The following SHKBP1 variants were observed in gnomAD, a reference collection of about 807,000 sequenced individuals.
The protein encoded by SHKBP1 is SH3KBP1 binding protein 1.
A neutral mutation model predicts 83.9 loss-of-function variants in SHKBP1; 71 were observed. The ratio of observed to expected loss-of-function variants is 0.85; its 90% confidence interval spans 0.70 to 1.03. The LOEUF is 1.03. Among genes scored for constraint, SHKBP1 ranks in the 50% least tolerant of loss-of-function variants. The pLI, the probability that SHKBP1 is intolerant of heterozygous loss-of-function variation, is 0.00. For synonymous variants in SHKBP1, 371 were observed against 398.0 expected (o/e 0.93, Z 0.81); for missense variants, 824 against 982.4 (o/e 0.84, Z 2.16).
chr19:40,589,059 A>C (rs1599847860), intron 14 of SHKBP1, 23 bp from the exon 15 acceptor site: 16 of 1,605,818 alleles, frequency 1.0e-5, no homozygotes, highest in Non-Finnish European at 1.3e-5. Context: ...GCTGGCCCTG[A>C]CCCCTGCCCC....
chr19:40,589,016 T>A, intron 14 of SHKBP1, 66 bp from the exon 15 acceptor site: 1 of 1,523,558 alleles, frequency 6.6e-7, no homozygotes, highest in Non-Finnish European at 9.0e-7. Flanking sequence ...GTTTCATCAG[T>A]GGGGAAGGAA....
intron 12 of SHKBP1, 68 bp downstream of exon 12, chr19:40,583,785 C>T: frequency 8.1e-7 from 1 of 1,237,678 alleles, no homozygotes; most frequent in South Asian, 1.2e-5. Flanking sequence ...GCAGCTGTCC[C>T]CCAACTTGTG....
At chr19:40,577,512 G>A (rs957464191) in intron 3 of SHKBP1, 45 bp from the exon 4 acceptor site, 2 of 1,614,068 alleles carry the variant, frequency 1.2e-6, no homozygotes, top group African/African-American at 2.7e-5. Context: ...ACCCCACTCA[G>A]TCCTGCCTTT....
At chr19:40,580,529 C>T (rs1490166110) in intron 7 of SHKBP1, 37 bp from the exon 8 acceptor site, 1 of 1,614,112 alleles carries the variant, frequency 6.2e-7, no homozygotes, top group African/African-American at 1.3e-5. Flanking sequence ...TGTGGGGTCC[C>T]TGTGACCCTC....
At chr19:40,579,734 T>C (rs991732541) in intron 6 of SHKBP1, among the ~76,000 whole-genome samples, 5 of 152,094 alleles carry the variant, frequency 3.3e-5, no homozygotes, top group Non-Finnish European at 5.9e-5. Flanking sequence ...TTCCATTTAT[T>C]AAAAGTGAAA....
At position 40,577,220 on chromosome 19, in the gene SHKBP1, TC is replaced by T; in HGVS notation, c.87-7del. 4 of 1,613,102 alleles carry T rather than the reference TC, an allele frequency of 2.5e-6. No homozygotes were observed. The highest frequency in any genetic ancestry group is 2.5e-6 in the Non-Finnish European group (3 of 1,179,944). ...CTTCATCTCTTGCGTCCGTTTACCTTCCCCGCCCAGATTCAGTACCTCTCGC... is the reference window on the plus strand; with the variant it reads ...CTTCATCTCTTGCGTCCGTTTACCTTCCCGCCCAGATTCAGTACCTCTCGC... On this transcript the variant is annotated splice_polypyrimidine_tract_variant and intron_variant, in intron 1 of 17. Coordinates refer to ENST00000291842, the MANE Select transcript of SHKBP1 (RefSeq NM_138392.4).
chr19:40,579,107 A>G (rs2081246698), intron 6 of SHKBP1, among the ~76,000 whole-genome samples: 1 of 152,020 alleles, frequency 6.6e-6, no homozygotes, highest in Admixed American at 6.6e-5. Flanking sequence ...TCATTTATTT[A>G]TTTATTTATT....
intron 9 of SHKBP1, among the ~76,000 whole-genome samples, chr19:40,581,276 T>C (rs1012825633): frequency 1.6e-4 from 24 of 151,938 alleles, no homozygotes; most frequent in African/African-American, 5.3e-4. Flanking sequence ...TTTGGGAGGC[T>C]GAGGCGGGCA....
At position 40,590,678 on chromosome 19, in the gene SHKBP1, C is replaced by A; in HGVS notation, c.1769-52C>A. On this transcript the variant is annotated intron_variant, in intron 16 of 17. Coordinates refer to ENST00000291842, the MANE Select transcript of SHKBP1 (RefSeq NM_138392.4). This position sits in a 1 kb window ranked among gnomAD's most constrained non-coding sequence, Gnocchi z 4.6. ...CTTGCACTGCAATGCAACCCAGGCC[C>A]TTGCCCTATGACCCCTGTCTTGCCC... 5 of 1,532,334 alleles carry A rather than the reference C, an allele frequency of 3.3e-6. No individual in the cohort carries two copies. The highest frequency in any genetic ancestry group is 4.4e-6 in the Non-Finnish European group (5 of 1,138,020). 94.9% of individuals were successfully genotyped at this position (1,532,334 alleles called of 1,614,324 possible). A position where few individuals can be genotyped will look rare whatever the true frequency, so the allele number is the denominator to read the frequency against.
chr19:40,577,765 G>A (rs1007796355), intron 4 of SHKBP1, 135 bp downstream of exon 4: 3 of 1,114,388 alleles, frequency 2.7e-6, no homozygotes, highest in East Asian at 2.4e-5. Flanking sequence ...GGCCGGGCGC[G>A]CCGGGATTGC....
chr19:40,580,049 A>C (rs1012240611), intron 6 of SHKBP1: 13 of 278,502 alleles, frequency 4.7e-5, no homozygotes, highest in African/African-American at 1.4e-4. Context: ...AAAAAAAAAA[A>C]AAAAACGGAA....
Position 40,580,547 on chromosome 19 carries a change from C to T in SHKBP1, c.563-19C>T. On this transcript the variant is annotated intron_variant, in intron 7 of 17. Coordinates refer to ENST00000291842, the MANE Select transcript of SHKBP1 (RefSeq NM_138392.4). ...GGGGTCCCTGTGACCCTCTTCTGATCCCTACTCTTCCCCTCAAGGACAACC... is the reference window on the plus strand; with the variant it reads ...GGGGTCCCTGTGACCCTCTTCTGATTCCTACTCTTCCCCTCAAGGACAACC... The T allele has an allele frequency of 6.2e-7, 1 of 1,614,134 alleles. No individual in the cohort carries two copies. The highest frequency in any genetic ancestry group is 8.5e-7 in the Non-Finnish European group (1 of 1,179,996).
chr19:40,580,716 AG>A (rs1371029884), intron 8 of SHKBP1, 29 bp from the exon 9 acceptor site: 10 of 1,613,440 alleles, frequency 6.2e-6, no homozygotes, highest in Middle Eastern at 1.6e-4. Flanking sequence ...GCATGCGGTG[AG>A]GGTTGGTGAT....
At chr19:40,585,787 C>G (rs1165297754) in intron 12 of SHKBP1, 1 of 152,140 alleles carries the variant, frequency 6.6e-6, no homozygotes, top group African/African-American at 2.4e-5. Flanking sequence ...GGATTCTCCT[C>G]TCGTCGTCTC....
At chr19:40,581,046 G>A (rs941075982) in intron 9 of SHKBP1, 110 bp downstream of exon 9, 14 of 1,067,818 alleles carry the variant, frequency 1.3e-5, no homozygotes, top group Non-Finnish European at 1.7e-5. Context: ...TGCTCTATTA[G>A]ATCTGTTTGT....
intron 1 of SHKBP1, 117 bp from the exon 2 acceptor site, chr19:40,577,114 T>A: frequency 7.1e-7 from 1 of 1,411,530 alleles, no homozygotes; most frequent in Admixed American, 2.0e-5. Context: ...AGGCGCGAGA[T>A]TCTGGAAAAA....
At position 40,591,021 on chromosome 19, in the gene SHKBP1, G is replaced by A; in HGVS notation, c.1938G>A (p.Gly646=). ...SSNTSLSGHR[G]SPSPPQAEAR... ...ACACCTCCTTGTCTGGCCACCGTGG[G>A]AGCCCAAGCCCCCCGCAGGCTGAGG... Residue 646 remains glycine (G), a synonymous_variant, in exon 18 of 18, where the codon GGG becomes GGA. Transcript: ENST00000291842. 6.2e-7 allele frequency: 1 copy of A among 1,612,306 alleles called. No homozygotes were observed. The highest frequency in any genetic ancestry group is 8.5e-7 in the Non-Finnish European group (1 of 1,178,700).
intron 10 of SHKBP1, among the ~76,000 whole-genome samples, chr19:40,583,167 CTT>C (rs1194132348): frequency 2.0e-5 from 3 of 151,326 alleles, no homozygotes; most frequent in African/African-American, 7.2e-5. Context: ...AAAATTAAAA[CTT>C]TAAAAAGTAC....
intron 6 of SHKBP1, among the ~76,000 whole-genome samples, chr19:40,578,849 A>T (rs2081244736): frequency 6.6e-6 from 1 of 152,076 alleles, no homozygotes; most frequent in South Asian, 2.1e-4. Context: ...GGAGGGGAGA[A>T]ATATTAATAG....
Sources: gnomAD v4.1 joint callset for allele counts (sites outside exome capture counted in the v4.1 genomes callset) on GRCh38, gnomAD v4.1.1 for gene constraint, Gnocchi (gnomAD v3.1) non-coding constraint, MANE v1.5 for transcripts, NCBI Gene and HGNC (gene_info 2026-07-23, HGNC 2026-07-21) for gene names.